Variants in PCDH15 observed in about 807,000 individuals in gnomAD.
The protein encoded by PCDH15 is protocadherin-15.
Under a neutral mutation model 178.5 loss-of-function variants are expected in PCDH15, and 129 were observed. The observed-to-expected ratio is 0.72, with a 90% CI of 0.63 to 0.84. PCDH15 has a LOEUF of 0.84. PCDH15 is among the 40% of genes least tolerant of loss of function. PCDH15 has a pLI of 0.00. For synonymous variants in PCDH15, 800 were observed against 732.0 expected (o/e 1.09, Z -1.50); for missense variants, 2,230 against 2,099.9 (o/e 1.06, Z -1.21).
chr10:54,601,116 T>C (rs370635607), intron 2 of PCDH15, among the ~76,000 whole-genome samples: 3 of 152,082 alleles, frequency 2.0e-5, no homozygotes, highest in Admixed American at 1.3e-4. Context: ...TGCAATCTTA[T>C]GTTGATCGAT....
chr10:54,095,124 A>G (rs1461361202), intron 15 of PCDH15, among the ~76,000 whole-genome samples: 1 of 152,182 alleles, frequency 6.6e-6, no homozygotes, highest in Non-Finnish European at 1.5e-5. Context: ...ATAAAAATCA[A>G]TGGATTTGGA....
chr10:55,098,798 T>G (rs1193434000), intron 2 of PCDH15, among the ~76,000 whole-genome samples: 1 of 151,926 alleles, frequency 6.6e-6, no homozygotes, highest in Admixed American at 6.6e-5. Flanking sequence ...GGTTTTTCAC[T>G]TTCGGAAGCG....
chr10:54,848,685 A>G (rs545422278), intron 3 of PCDH15, among the ~76,000 whole-genome samples: 1 of 152,294 alleles, frequency 6.6e-6, no homozygotes, highest in East Asian at 1.9e-4. Context: ...ACAGACTAGT[A>G]CATTGACCCT....
rs573925041 is a variant in PCDH15, at chr10:54,369,105, T to G, written c.474+15A>C. ...ATCAACAGAAAGGACAGAGAGAGAG[T>G]AAATAGAAACTGACCTCATTCACTG... is the stretch of plus-strand genomic sequence containing the variant. On this transcript the variant is annotated intron_variant, in intron 5 of 37. Transcript: ENST00000644397. The G allele has an allele frequency of 6.2e-7, 1 of 1,611,874 alleles. No individual in the cohort carries two copies. The highest frequency in any genetic ancestry group is 2.2e-5 in the East Asian group (1 of 44,784).
At chr10:54,999,769 A>G (rs1470156897) in intron 2 of PCDH15, among the ~76,000 whole-genome samples, 1 of 152,210 alleles carries the variant, frequency 6.6e-6, no homozygotes, top group Non-Finnish European at 1.5e-5. Flanking sequence ...TCTTTTCTAT[A>G]TTCCCTAAGT....
At chr10:54,716,453 T>C (rs2095480744) in intron 1 of PCDH15, among the ~76,000 whole-genome samples, 1 of 152,164 alleles carries the variant, frequency 6.6e-6, no homozygotes, top group Non-Finnish European at 1.5e-5. Context: ...TGGTTTGTAG[T>C]TCTCCTTGAA....
At chr10:53,962,878 A>C (rs1450996994) in intron 21 of PCDH15, among the ~76,000 whole-genome samples, 1 of 152,218 alleles carries the variant, frequency 6.6e-6, no homozygotes, top group Non-Finnish European at 1.5e-5. Context: ...TGAGGTGAGC[A>C]CTGTAACATT....
At chr10:55,149,926 C>A (rs138339001) in intron 2 of PCDH15, among the ~76,000 whole-genome samples, 1 of 151,994 alleles carries the variant, frequency 6.6e-6, no homozygotes, top group African/African-American at 2.4e-5. Context: ...TGAGGGCCTT[C>A]ACCTGAAAAT....
At chr10:53,816,416 C>A (rs1443270861) in intron 34 of PCDH15, 139 bp from the exon 35 acceptor site, 2 of 392,258 alleles carry the variant, frequency 5.1e-6, no homozygotes, top group African/African-American at 4.1e-5. Context: ...CATGTGTTAG[C>A]TACCAAAAGC....
rs1468116913 is a variant in PCDH15, at chr10:54,369,189, T to G, written c.405A>C (p.Ile135=). ...VGTIIYHEVR[I]VVRDRNDNSP... ...AGTTGTCATTCCTGTCTCTCACCAC[T>G]ATTCGCACTTCATGGTAGATAATAG... The change falls in exon 5 of 38, where the codon ATA becomes ATC. Residue 135 remains isoleucine, a synonymous_variant. Transcript: ENST00000644397. 6.2e-7 allele frequency: 1 copy of G among 1,613,140 alleles called. No homozygotes were observed. The highest frequency in any genetic ancestry group is 1.3e-5 in the African/African-American group (1 of 74,996).
rs78506402 is a variant in PCDH15 at position 54,580,693 on chromosome 10, A to G, written c.92-52816T>C. On this transcript the variant is annotated intron_variant, in intron 2 of 37. Transcript: ENST00000644397. Reference sequence around the variant, plus strand: ...ATCCATGATGAACATAAACACAAAAATCTCCAACCAAACACTAGCAAACCT... The same window carrying G: ...ATCCATGATGAACATAAACACAAAAGTCTCCAACCAAACACTAGCAAACCT... Among the ~76,000 whole-genome samples the G allele has an allele frequency of 1.9e-3, 289 of 152,136 alleles. 1 individual carries two copies. Among genetic ancestry groups the G allele is most frequent in the African/African-American group, 6.5e-3 (268 of 41,546 alleles).
intron 23 of PCDH15, among the ~76,000 whole-genome samples, chr10:53,947,117 T>C (rs1244551171): frequency 6.6e-6 from 1 of 152,198 alleles, no homozygotes; most frequent in Admixed American, 6.5e-5. Flanking sequence ...TTTGAAAATA[T>C]AGATTACAAT....
intron 2 of PCDH15, among the ~76,000 whole-genome samples, chr10:55,618,336 T>C (rs1843519579): frequency 6.6e-6 from 1 of 152,082 alleles, no homozygotes; most frequent in Admixed American, 6.6e-5. Context: ...TTGTAGTCTT[T>C]TGTATATGAA....
At chr10:54,773,981 C>G (rs964585471) in intron 1 of PCDH15, among the ~76,000 whole-genome samples, 4 of 128,028 alleles carry the variant, frequency 3.1e-5, no homozygotes, top group African/African-American at 1.2e-4. Flanking sequence ...AAAGTCAAGT[C>G]TAGATGAACT....
At chr10:53,911,434 A>T (rs2083079242) in intron 25 of PCDH15, among the ~76,000 whole-genome samples, 1 of 152,250 alleles carries the variant, frequency 6.6e-6, no homozygotes, top group Non-Finnish European at 1.5e-5. Context: ...ACAACATACC[A>T]GAATCTCTGG....
chr10:54,020,746 A>C (rs1446150236), intron 19 of PCDH15, among the ~76,000 whole-genome samples: 1 of 148,624 alleles, frequency 6.7e-6, no homozygotes, highest in Non-Finnish European at 1.5e-5. Context: ...AAATCACTAA[A>C]TGAACTATAT....
chr10:54,261,543 C>T (rs2057316793), intron 8 of PCDH15, among the ~76,000 whole-genome samples: 1 of 151,908 alleles, frequency 6.6e-6, no homozygotes, highest in Admixed American at 6.6e-5. Flanking sequence ...GTAGTGGATG[C>T]AAGTATTAAA....
chr10:53,828,476 T>C, intron 31 of PCDH15, 89 bp downstream of exon 31: 2 of 1,121,950 alleles, frequency 1.8e-6, no homozygotes, highest in Non-Finnish European at 2.7e-6. Context: ...TAAGATGTGG[T>C]TCTGAGCAGG....
intron 25 of PCDH15, among the ~76,000 whole-genome samples, chr10:53,912,958 A>C (rs2083226216): frequency 1.3e-5 from 2 of 152,182 alleles, no homozygotes; most frequent in African/African-American, 4.8e-5. Context: ...GTTCATATGG[A>C]ACAAAAAAAG....
Sources: allele counts gnomAD v4.1 joint callset (sites outside exome capture counted in the v4.1 genomes callset), GRCh38; gene constraint gnomAD v4.1.1; transcripts MANE v1.5; gene names NCBI Gene and HGNC (gene_info 2026-07-23, HGNC 2026-07-21).